The following GABRG3 variants were observed in gnomAD, a reference collection of about 807,000 sequenced individuals.
The protein encoded by GABRG3 is gamma-aminobutyric acid type A receptor subunit gamma3.
A neutral mutation model predicts 48.8 loss-of-function variants in GABRG3; 25 were observed. The observed-to-expected ratio is 0.51, with a 90% CI of 0.37 to 0.72. The LOEUF (loss-of-function observed/expected upper bound fraction) is 0.72. GABRG3 is among the 30% of genes least tolerant of loss of function. GABRG3 has a pLI of 0.00. For synonymous variants in GABRG3, 227 were observed against 217.6 expected (o/e 1.04, Z -0.38); for missense variants, 394 against 577.9 (o/e 0.68, Z 3.26).
chr15:27,305,585 T>C (rs1342242766), intron 3 of GABRG3, among the ~76,000 whole-genome samples: 2 of 143,232 alleles, frequency 1.4e-5, no homozygotes, highest in African/African-American at 5.1e-5. Context: ...TATAAACATA[T>C]ATATAATATA....
At chr15:27,399,464 C>T (rs1237226226) in intron 5 of GABRG3, among the ~76,000 whole-genome samples, 3 of 152,178 alleles carry the variant, frequency 2.0e-5, no homozygotes, top group East Asian at 1.9e-4. Flanking sequence ...TACATGGCAA[C>T]GGTTCCTTTG....
chr15:27,351,582 T>G (rs1031098445), intron 5 of GABRG3, among the ~76,000 whole-genome samples: 1 of 149,734 alleles, frequency 6.7e-6, no homozygotes, highest in Non-Finnish European at 1.5e-5. Flanking sequence ...GTGTGTATGG[T>G]GTGTGTGTAT....
chr15:27,429,779 G>A lies in GABRG3; in HGVS notation c.575-50871G>A, dbSNP rs142580623. Among the ~76,000 whole-genome samples, 44 of 152,206 alleles carry A rather than the reference G, an allele frequency of 2.9e-4. No individual in the cohort carries two copies. The East Asian group carries it at 5.4e-3, about 19-fold the overall frequency. ...TTGTATTGCTGAGTAATATTCCATC[G>A]CATGGATATACCACAATGTGATTAG... On this transcript the variant is annotated intron_variant, in intron 5 of 9. Transcript: ENST00000615808.
intron 3 of GABRG3, among the ~76,000 whole-genome samples, chr15:27,259,366 G>A (rs1890708409): frequency 2.0e-5 from 3 of 152,246 alleles, no homozygotes; most frequent in East Asian, 1.9e-4. Flanking sequence ...ATTGGGCTCC[G>A]TCCTTCTCTG....
At chr15:27,171,463 T>C (rs948260723) in intron 3 of GABRG3, among the ~76,000 whole-genome samples, 4 of 151,128 alleles carry the variant, frequency 2.6e-5, no homozygotes, top group African/African-American at 9.7e-5. Flanking sequence ...ACATATGCCA[T>C]GCTATCACTT....
At chr15:27,221,668 T>C (rs2070769125) in intron 3 of GABRG3, among the ~76,000 whole-genome samples, 1 of 152,198 alleles carries the variant, frequency 6.6e-6, no homozygotes, top group Non-Finnish European at 1.5e-5. Flanking sequence ...TTTTGTCTTG[T>C]TACAACCAAG....
intron 3 of GABRG3, among the ~76,000 whole-genome samples, chr15:27,109,506 C>T (rs1037915229): frequency 6.6e-6 from 1 of 152,222 alleles, no homozygotes; most frequent in African/African-American, 2.4e-5. Flanking sequence ...TCTGACAAAT[C>T]CCTGGCAACC....
At chr15:27,490,125 T>G (rs1026437243) in intron 6 of GABRG3, among the ~76,000 whole-genome samples, 6 of 152,138 alleles carry the variant, frequency 3.9e-5, no homozygotes, top group African/African-American at 1.2e-4. Context: ...TTTATGTACT[T>G]TTCAGATAAG....
chr15:27,397,567 T>TA, intron 5 of GABRG3, among the ~76,000 whole-genome samples: 1 of 152,250 alleles, frequency 6.6e-6, no homozygotes, highest in African/African-American at 2.4e-5. Flanking sequence ...ATTGAGGGCG[T>TA]ATTCCCTTGG....
intron 3 of GABRG3, among the ~76,000 whole-genome samples, chr15:27,217,564 C>T (rs1889302035): frequency 6.6e-6 from 1 of 152,204 alleles, no homozygotes; most frequent in Admixed American, 6.5e-5. Context: ...CCCAGCCCAG[C>T]AGGGAGCCTC....
rs61572041 is a variant in GABRG3, at chr15:27,055,838, T to C, written c.270+29017T>C. On this transcript the variant is annotated intron_variant, in intron 3 of 9. Transcript: ENST00000615808. The stretch of plus-strand genomic sequence containing the variant: ...AAAGCAAAAGCATTCTCAAAAGTCA[T>C]TGAGAAAAAAAAATCATCCCAGAAA... Among the ~76,000 whole-genome samples the C allele has an allele frequency of 0.011, 1,654 of 152,144 alleles. 98 individuals carry two copies. In the East Asian group the frequency reaches 0.16, roughly 15 times the overall value.
intron 5 of GABRG3, among the ~76,000 whole-genome samples, chr15:27,399,138 T>C (rs1252418363): frequency 6.6e-6 from 1 of 152,248 alleles, no homozygotes; most frequent in Non-Finnish European, 1.5e-5. Flanking sequence ...TAGCCCCTCA[T>C]CAGCTAAAAT....
intron 5 of GABRG3, among the ~76,000 whole-genome samples, chr15:27,331,008 G>A (rs1452659664): frequency 1.3e-5 from 2 of 152,170 alleles, no homozygotes; most frequent in Non-Finnish European, 2.9e-5. Context: ...TTCAGGAATA[G>A]TATGAAAGAT....
At chr15:27,488,445 G>T (rs1413018595) in intron 6 of GABRG3, among the ~76,000 whole-genome samples, 1 of 152,126 alleles carries the variant, frequency 6.6e-6, no homozygotes, top group Admixed American at 6.5e-5. Flanking sequence ...TGTCATCTTG[G>T]ATGCATTGTC....
At chr15:27,446,176 C>T (rs1595759637) in intron 5 of GABRG3, among the ~76,000 whole-genome samples, 1 of 152,172 alleles carries the variant, frequency 6.6e-6, no homozygotes, top group African/African-American at 2.4e-5. Context: ...CATGTCTACA[C>T]AAGAGTCAGC....
At chr15:27,254,964 A>G (rs556726568) in intron 3 of GABRG3, among the ~76,000 whole-genome samples, 1 of 152,234 alleles carries the variant, frequency 6.6e-6, no homozygotes, top group African/African-American at 2.4e-5. Flanking sequence ...AGGTGCAACC[A>G]CAGCCGGCCC....
intron 7 of GABRG3, among the ~76,000 whole-genome samples, chr15:27,526,527 C>G (rs373946923): frequency 6.6e-6 from 1 of 152,090 alleles, no homozygotes; most frequent in Non-Finnish European, 1.5e-5. Flanking sequence ...TGGGAAGACT[C>G]GGGAGAGTCA....
intron 2 of GABRG3, among the ~76,000 whole-genome samples, chr15:27,003,968 G>T (rs1471063973): frequency 2.9e-5 from 4 of 136,072 alleles, no homozygotes; most frequent in Admixed American, 1.5e-4. Flanking sequence ...GGGGCGGCTG[G>T]CCGGGCGGGG....
chr15:27,303,406 T>C (rs1429271529), intron 3 of GABRG3, among the ~76,000 whole-genome samples: 2 of 151,720 alleles, frequency 1.3e-5, no homozygotes, highest in Non-Finnish European at 2.9e-5. Flanking sequence ...CAAGATGAAA[T>C]AGATCATAAG....
Sources: gnomAD v4.1 joint callset for allele counts (sites outside exome capture counted in the v4.1 genomes callset) on GRCh38, gnomAD v4.1.1 for gene constraint, MANE v1.5 for transcripts, NCBI Gene and HGNC (gene_info 2026-07-23, HGNC 2026-07-21) for gene names.